The following CMAS variants were observed in gnomAD, a reference collection of about 807,000 sequenced individuals.
CMAS encodes the protein N-acylneuraminate cytidylyltransferase.
CMAS carries 21 observed loss-of-function variants against 53.4 expected under a neutral mutation model. That is an observed-to-expected ratio of 0.39 (90% CI 0.28 to 0.57). CMAS has a LOEUF of 0.57. Among genes scored for constraint, CMAS ranks in the 20% least tolerant of loss-of-function variants. The pLI is 0.56. For synonymous variants in CMAS, 189 were observed against 195.2 expected (o/e 0.97, Z 0.27); for missense variants, 384 against 534.9 (o/e 0.72, Z 2.78).
At chr12:22,058,774 G>A in intron 4 of CMAS, 74 bp downstream of exon 4, 1 of 1,501,064 alleles carries the variant, frequency 6.7e-7, no homozygotes, top group Non-Finnish European at 9.0e-7. Flanking sequence ...GAAGAAGTAT[G>A]GTACAATTTC....
chr12:22,046,432 G>A lies in CMAS; in HGVS notation c.129G>A (p.Pro43=). 6.2e-7 allele frequency: 1 copy of A among 1,608,248 alleles called. No homozygotes were observed. Among genetic ancestry groups the A allele is most frequent in the Middle Eastern group, 1.7e-4 (1 of 6,026 alleles). Residue 43 remains proline, a synonymous_variant, in exon 1 of 8, where the codon CCG becomes CCA. Transcript: ENST00000229329. ...AGGGCCGAGGTGTGGAGAAGCCCCC[G>A]CACCTGGCAGCCCTAATTCTGGCCC... is the stretch of plus-strand genomic sequence containing the variant. ...GGQGRGVEKP[P]HLAALILARG... is the part of the protein sequence containing the mutation.
chr12:22,064,849 T>TAACA (rs1479964623), intron 7 of CMAS, among the ~76,000 whole-genome samples: 4 of 152,246 alleles, frequency 2.6e-5, no homozygotes, highest in African/African-American at 9.6e-5. Flanking sequence ...ATAAAATTTC[T>TAACA]AACATTTGTA....
chr12:22,055,200 T>C lies in CMAS; in HGVS notation c.312T>C (p.Phe104=), dbSNP rs1336549141. 6.2e-7 allele frequency: 1 copy of C among 1,613,338 alleles called. No individual in the cohort carries two copies. The highest frequency in any genetic ancestry group is 1.3e-5 in the African/African-American group (1 of 74,892). Residue 104 remains phenylalanine (F), a synonymous_variant, in exon 2 of 8, where the codon TTT becomes TTC. Coordinates refer to ENST00000229329, the MANE Select transcript of CMAS (RefSeq NM_018686.6). Reference sequence around the variant, plus strand: ...AAATTGAGAATGTGGCCAAACAATTTGGTGCACAAGTTCATCGAAGAAGTT... The same window carrying C: ...AAATTGAGAATGTGGCCAAACAATTCGGTGCACAAGTTCATCGAAGAAGTT... The part of the protein sequence containing the change: ...HDEIENVAKQ[F]GAQVHRRSSE...
rs186810748 is a variant in CMAS, at chr12:22,047,658, T to C, written c.260+1095T>C. 1.9e-3 allele frequency among the ~76,000 whole-genome samples: 296 copies of C among 152,264 alleles called. 1 individual carries two copies. Among genetic ancestry groups the C allele is most frequent in the Non-Finnish European group, 3.2e-3 (220 of 68,018 alleles). ...CAAATAGGAGCCACCACTCAGAAGA[T>C]AACACTAGTGCAATAGGAAGTGTGC... On this transcript the variant is annotated intron_variant, in intron 1 of 7. Coordinates refer to ENST00000229329, the MANE Select transcript of CMAS (RefSeq NM_018686.6).
intron 1 of CMAS, among the ~76,000 whole-genome samples, chr12:22,052,706 CAT>C (rs1950244452): frequency 6.6e-6 from 1 of 152,108 alleles, no homozygotes; most frequent in Admixed American, 6.6e-5. Flanking sequence ...CCCAAGAGAA[CAT>C]TTTTTTCCCA....
At chr12:22,063,093 G>C (rs1950319508) in intron 7 of CMAS, among the ~76,000 whole-genome samples, 1 of 152,140 alleles carries the variant, frequency 6.6e-6, no homozygotes, top group Non-Finnish European at 1.5e-5. Context: ...ATGATGATAC[G>C]CAGCATGGAA....
Position 22,046,231 on chromosome 12 carries a change from G to A in CMAS, c.-73G>A. The A allele has an allele frequency of 7.4e-7, 1 of 1,351,234 alleles. No individual in the cohort carries two copies. Among genetic ancestry groups the A allele is most frequent in the Non-Finnish European group, 9.6e-7 (1 of 1,041,440 alleles). The allele number at this position is 1,351,234 out of a possible 1,614,324, so 83.7% of individuals were successfully genotyped here. A position where few individuals can be genotyped will look rare whatever the true frequency, so the allele number is the denominator to read the frequency against. On this transcript the variant is annotated 5_prime_UTR_variant, in exon 1 of 8. Transcript: ENST00000229329. ...GCGCCAGCTGCCAGGCGGGGATCGG[G>A]CGGCGCCGAGCTGAGGTGGTGAGGG...
intron 1 of CMAS, among the ~76,000 whole-genome samples, chr12:22,051,944 T>A (rs1312710948): frequency 6.6e-6 from 1 of 152,196 alleles, no homozygotes; most frequent in East Asian, 1.9e-4. Context: ...CCACTATTAT[T>A]ACTTACCTCC....
At chr12:22,058,524 A>T (rs752471475) in intron 3 of CMAS, 43 bp from the exon 4 acceptor site, 2 of 1,561,848 alleles carry the variant, frequency 1.3e-6, no homozygotes, top group Non-Finnish European at 1.7e-6. Context: ...AACACTTTCT[A>T]TATTCAGGGC....
Position 22,046,299 on chromosome 12 carries a change from G to T in CMAS, c.-5G>T. ...GAGAAGCTGGGGAGAAGGCGTGGGA[G>T]GAAGATGGACTCGGTGGAGAAGGGG... On this transcript the variant is annotated 5_prime_UTR_variant, in exon 1 of 8. It adds an upstream start codon to the 5' untranslated region. Coordinates refer to ENST00000229329, the MANE Select transcript of CMAS (RefSeq NM_018686.6). 1 of 1,456,736 alleles carries T rather than the reference G, an allele frequency of 6.9e-7. No homozygotes were observed. Among genetic ancestry groups the T allele is most frequent in the Non-Finnish European group, 9.1e-7 (1 of 1,102,134 alleles). 90.2% of individuals were successfully genotyped at this position (1,456,736 alleles called of 1,614,324 possible).
At chr12:22,058,970 G>A (rs1175495404) in intron 4 of CMAS, among the ~76,000 whole-genome samples, 2 of 151,814 alleles carry the variant, frequency 1.3e-5, no homozygotes, top group Non-Finnish European at 2.9e-5. Context: ...ACATGTCCTG[G>A]TACTCATATT....
At chr12:22,056,687 G>A (rs1175728902) in intron 3 of CMAS, among the ~76,000 whole-genome samples, 2 of 152,174 alleles carry the variant, frequency 1.3e-5, no homozygotes, top group African/African-American at 2.4e-5. Flanking sequence ...AGTCTTGTAA[G>A]GGGGAAGCAT....
chr12:22,047,992 C>G (rs550329367), intron 1 of CMAS, among the ~76,000 whole-genome samples: 1 of 152,146 alleles, frequency 6.6e-6, no homozygotes, highest in Non-Finnish European at 1.5e-5. Flanking sequence ...ATTTACAACT[C>G]TTAGGTTGTA....
In CMAS at chr12:22,058,589, G is replaced by A; in HGVS notation, c.582G>A (p.Leu194=). 6.2e-7 allele frequency: 1 copy of A among 1,613,420 alleles called. No homozygotes were observed. Among genetic ancestry groups the A allele is most frequent in the East Asian group, 2.2e-5 (1 of 44,844 alleles). The part of the protein sequence containing the change: ...QKGVREVTEP[L]NLNPAKRPRR... ...TAGTTCGTGAAGTGACCGAACCTCT[G>A]AATTTAAATCCAGCTAAACGGCCTC... The change falls in exon 4 of 8, where the codon CTG becomes CTA. Residue 194 remains leucine (L), a synonymous_variant. Coordinates refer to ENST00000229329, the MANE Select transcript of CMAS (RefSeq NM_018686.6).
At chr12:22,061,843 G>A (rs1053559955) in intron 6 of CMAS, among the ~76,000 whole-genome samples, 10 of 151,984 alleles carry the variant, frequency 6.6e-5, no homozygotes, top group African/African-American at 2.4e-4. Context: ...ATAACTTAAC[G>A]TTTAAGTGTA....
At chr12:22,064,522 CT>C (rs1950331991) in intron 7 of CMAS, among the ~76,000 whole-genome samples, 3 of 152,076 alleles carry the variant, frequency 2.0e-5, no homozygotes, top group Admixed American at 2.0e-4. Context: ...TTTGAGACAG[CT>C]GGGGGTATCT....
chr12:22,048,826 G>GC (rs1361900611), intron 1 of CMAS, among the ~76,000 whole-genome samples: 1 of 152,116 alleles, frequency 6.6e-6, no homozygotes, highest in Non-Finnish European at 1.5e-5. Context: ...GTCTCATAAG[G>GC]ATAGAAGATT....
Position 22,062,431 on chromosome 12 carries a change from CTTGG to C in CMAS, c.1114+3_1114+6del. 6.2e-7 allele frequency: 1 copy of C among 1,611,608 alleles called. No individual in the cohort carries two copies. Among genetic ancestry groups the C allele is most frequent in the Non-Finnish European group, 8.5e-7 (1 of 1,179,320 alleles). ...CCTGTGCTGGAAAGAAGTGGCATAT[CTTGG>C]TTGGTATCTTTTTATTCACCCATAG... On this transcript the variant is annotated splice_donor_variant and coding_sequence_variant, in exon 7 of 8. Coordinates refer to ENST00000229329, the MANE Select transcript of CMAS (RefSeq NM_018686.6). LOFTEE classifies it high-confidence loss of function.
intron 3 of CMAS, among the ~76,000 whole-genome samples, chr12:22,057,257 A>ACACACT (rs1950274559): frequency 6.6e-6 from 1 of 151,580 alleles, no homozygotes; most frequent in African/African-American, 2.4e-5. Flanking sequence ...ACACACACAC[A>ACACACT]CACACACACA....
Sources: allele counts gnomAD v4.1 joint callset (sites outside exome capture counted in the v4.1 genomes callset), GRCh38; gene constraint gnomAD v4.1.1; transcripts MANE v1.5; gene names NCBI Gene and HGNC (gene_info 2026-07-23, HGNC 2026-07-21).